Variants in ITPR3 observed in about 807,000 individuals in gnomAD.
The protein encoded by ITPR3 is inositol 1,4,5-trisphosphate receptor type 3.
A neutral mutation model predicts 293.2 loss-of-function variants in ITPR3; 173 were observed. The ratio of observed to expected loss-of-function variants is 0.59; its 90% CI spans 0.52 to 0.67. ITPR3 has a LOEUF of 0.67. Ranked by LOEUF, ITPR3 falls within the 30% of genes least tolerant of loss-of-function variation. The pLI is 0.00. For synonymous variants in ITPR3, 1,295 were observed against 1,444.4 expected (o/e 0.90, Z 2.35); for missense variants, 2,796 against 3,592.1 (o/e 0.78, Z 5.66).
chr6:33,664,228 G>A lies in ITPR3; in HGVS notation c.1148+348G>A, dbSNP rs561574153. Among the ~76,000 whole-genome samples, 51 of 152,250 alleles carry A rather than the reference G, an allele frequency of 3.3e-4. No individual in the cohort carries two copies. The highest frequency in any genetic ancestry group is 8.5e-4 in the Admixed American group (13 of 15,290). On this transcript the variant is annotated intron_variant, in intron 11 of 57. Coordinates refer to ENST00000605930, the MANE Select transcript of ITPR3 (RefSeq NM_002224.4). The surrounding 1 kb of genome is among the most constrained non-coding windows in gnomAD (Gnocchi z 4.4). ...CCCGCCAACCCCGAGATTCTAGGAC[G>A]GAACATCAAGAAACTTCTCAAGTGT...
chr6:33,645,171 T>A (rs1764036676), intron 2 of ITPR3, among the ~76,000 whole-genome samples: 1 of 151,632 alleles, frequency 6.6e-6, no homozygotes, highest in African/African-American at 2.4e-5. Context: ...CCGTCTCTAC[T>A]AAAAATACAA....
intron 33 of ITPR3, 136 bp downstream of exon 33, chr6:33,680,816 T>TTA: frequency 2.8e-5 from 30 of 1,052,986 alleles, no homozygotes; most frequent in African/African-American, 3.4e-5. Flanking sequence ...AGTGTATTGG[T>TTA]TATCTTTTTT....
At chr6:33,659,225 C>A in intron 6 of ITPR3, 106 bp downstream of exon 6, 1 of 1,113,552 alleles carries the variant, frequency 9.0e-7, no homozygotes, top group Non-Finnish European at 1.3e-6. Context: ...CCCCATCTGA[C>A]CTGCCGGACA....
rs1245219591 is a variant in ITPR3, at chr6:33,632,967, G to C, written c.90-7517G>C. Among the ~76,000 whole-genome samples the C allele has an allele frequency of 6.6e-6, 1 of 152,240 alleles. No individual in the cohort carries two copies. Among genetic ancestry groups the C allele is most frequent in the Non-Finnish European group, 1.5e-5 (1 of 68,046 alleles). On this transcript the variant is annotated intron_variant, in intron 1 of 57. Transcript: ENST00000605930. This position sits in a 1 kb window ranked among gnomAD's most constrained non-coding sequence, Gnocchi z 4.1. ...TTGTGTCTGTGCCATTCTCTGACCA[G>C]CTGTGTGGCTCAGGGGTTCCATCCA...
At chr6:33,625,686 G>A (rs1763535118) in intron 1 of ITPR3, among the ~76,000 whole-genome samples, 1 of 152,042 alleles carries the variant, frequency 6.6e-6, no homozygotes, top group Admixed American at 6.5e-5. Flanking sequence ...GGAGCTCTCA[G>A]GGCCTCTGGA....
intron 1 of ITPR3, among the ~76,000 whole-genome samples, chr6:33,640,271 G>A (rs575896342): frequency 6.6e-6 from 1 of 152,238 alleles, no homozygotes; most frequent in South Asian, 2.1e-4. Context: ...GTGTGCTTCT[G>A]TGTTCTTCCT....
intron 51 of ITPR3, among the ~76,000 whole-genome samples, chr6:33,690,661 T>C (rs569873509): frequency 1.3e-5 from 2 of 152,304 alleles, no homozygotes; most frequent in East Asian, 3.9e-4. Context: ...AGTTGGCTGG[T>C]ATTCAGCCAC....
intron 7 of ITPR3, 37 bp from the exon 8 acceptor site, chr6:33,662,491 G>T: frequency 6.5e-7 from 1 of 1,544,486 alleles, no homozygotes; most frequent in Non-Finnish European, 8.7e-7. Context: ...GCCTGGAGGG[G>T]CCGCAGCCAT....
Position 33,682,983 on chromosome 6 carries a change from G to C in ITPR3, c.4598-224G>C, listed in dbSNP as rs1180643748. The stretch of plus-strand genomic sequence containing the variant: ...GGTGAGAGAGAGGAAGGGGAAGTCA[G>C]GGTAGAGCCGGGGGGAATCAAAGAG... On this transcript the variant is annotated intron_variant, in intron 34 of 57. Coordinates refer to ENST00000605930, the MANE Select transcript of ITPR3 (RefSeq NM_002224.4). This position sits in a 1 kb window ranked among gnomAD's most constrained non-coding sequence, Gnocchi z 5.4. Among the ~76,000 whole-genome samples, 2 of 151,204 alleles carry C rather than the reference G, an allele frequency of 1.3e-5. No individual in the cohort carries two copies. The highest frequency in any genetic ancestry group is 4.9e-5 in the African/African-American group (2 of 40,626).
Position 33,671,326 on chromosome 6 carries a change from C to T in ITPR3, c.2728+20C>T. ...CCGGTGGTGAGGCCTTTGCCCGGCT[C>T]GGGCCACCCTGGTGGTCCTCAGCCT... On this transcript the variant is annotated intron_variant, in intron 21 of 57. Transcript: ENST00000605930. 2 of 1,589,892 alleles carry T rather than the reference C, an allele frequency of 1.3e-6. No homozygotes were observed. The highest frequency in any genetic ancestry group is 1.1e-5 in the South Asian group (1 of 89,854).
At chr6:33,671,893 C>T in intron 21 of ITPR3, 136 bp from the exon 22 acceptor site, 1 of 854,456 alleles carries the variant, frequency 1.2e-6, no homozygotes, top group Non-Finnish European at 1.8e-6. Context: ...TTAGCCCTGT[C>T]CCTTCCTTAG....
chr6:33,675,540 G>T lies in ITPR3; in HGVS notation c.3117-151G>T. ...AGGGGAGTGGCTGTTAAACTGCTGA[G>T]AAAGTGTCAATATTTTAAACACATT... On this transcript the variant is annotated intron_variant, in intron 24 of 57. Coordinates refer to ENST00000605930, the MANE Select transcript of ITPR3 (RefSeq NM_002224.4). The surrounding 1 kb of genome is among the most constrained non-coding windows in gnomAD (Gnocchi z 5.0). The T allele has an allele frequency of 1.3e-6, 1 of 774,618 alleles. No homozygotes were observed. The highest frequency in any genetic ancestry group is 2.4e-5 in the South Asian group (1 of 41,168). The allele number at this position is 774,618 out of a possible 1,614,324, so 48.0% of individuals were successfully genotyped here.
At position 33,683,150 on chromosome 6, in the gene ITPR3, T is replaced by C. The variant is rs1765123908; in HGVS notation, c.4598-57T>C. Reference sequence around the variant, plus strand: ...GTGTGGCAGCCCTGAGCCTGGCCTCTGGCTGGCTGAACTGCCCCCGCACCA... The same window carrying C: ...GTGTGGCAGCCCTGAGCCTGGCCTCCGGCTGGCTGAACTGCCCCCGCACCA... On this transcript the variant is annotated intron_variant, in intron 34 of 57. Transcript: ENST00000605930. The surrounding 1 kb of genome is among the most constrained non-coding windows in gnomAD (Gnocchi z 4.5). 2 of 1,343,250 alleles carry C rather than the reference T, an allele frequency of 1.5e-6. No homozygotes were observed. The highest frequency in any genetic ancestry group is 2.0e-6 in the Non-Finnish European group (2 of 1,003,222). 83.2% of individuals were successfully genotyped at this position (1,343,250 alleles called of 1,614,324 possible). A position where few individuals can be genotyped will look rare whatever the true frequency, so the allele number is the denominator to read the frequency against.
At chr6:33,663,038 C>T (rs957444534) in intron 9 of ITPR3, 32 bp downstream of exon 9, 3 of 1,557,762 alleles carry the variant, frequency 1.9e-6, no homozygotes, top group South Asian at 2.3e-5. Flanking sequence ...TGCTGGGGCT[C>T]GTGTGTGCAT....
rs566818709 is a variant in ITPR3, at chr6:33,693,646, C to T, written c.7726C>T (p.Arg2576Cys). Residue 2576 changes from arginine to cysteine, a missense_variant, in exon 56 of 58, where the codon CGC (arginine) becomes TGC (cysteine). Physicochemically the swap from Arg to Cys is radical, Grantham distance 180. Around this residue, in one of 8 missense-constraint regions of ITPR3, gnomAD observed 568 missense variants for 796.1 expected, o/e 0.71. Coordinates refer to ENST00000605930, the MANE Select transcript of ITPR3 (RefSeq NM_002224.4). ...CTACTTGTACTTCATTGTGCTGGTC[C>T]GCGTGAAGAACAAGACCGACTACAC... is the stretch of plus-strand genomic sequence containing the variant. ...WNYLYFIVLVRVKNKTDYTGP... is the reference protein window; with the variant it reads ...WNYLYFIVLVCVKNKTDYTGP... 44 of 1,614,198 alleles carry T rather than the reference C, an allele frequency of 2.7e-5. No homozygotes were observed. Among genetic ancestry groups the T allele is most frequent in the African/African-American group, 2.7e-4 (20 of 75,052 alleles).
intron 1 of ITPR3, 135 bp from the exon 2 acceptor site, chr6:33,640,349 G>C (rs1252187499): frequency 2.6e-6 from 2 of 762,070 alleles, no homozygotes; most frequent in Non-Finnish European, 4.1e-6. Context: ...ATGACTTGAT[G>C]GTGGGGAGCT....
At position 33,691,264 on chromosome 6, in the gene ITPR3, GC is replaced by G. The variant is rs1226259100; in HGVS notation, c.7225+157del. ...GGGGACGTCTAGCTAACACCAGTCT[GC>G]CTCGCTCTTTTCTGGAACACACTGA... On this transcript the variant is annotated intron_variant, in intron 52 of 57. Transcript: ENST00000605930. The surrounding 1 kb of genome is among the most constrained non-coding windows in gnomAD (Gnocchi z 4.9). Among the ~76,000 whole-genome samples the G allele has an allele frequency of 2.1e-4, 32 of 152,316 alleles. 1 individual carries two copies. Among genetic ancestry groups the G allele is most frequent in the African/African-American group, 7.5e-4 (31 of 41,582 alleles).
At chr6:33,671,603 G>A (rs1764767520) in intron 21 of ITPR3, among the ~76,000 whole-genome samples, 1 of 152,194 alleles carries the variant, frequency 6.6e-6, no homozygotes, top group East Asian at 1.9e-4. Flanking sequence ...GTGAGGAGGA[G>A]GGAGGCACAG....
intron 2 of ITPR3, among the ~76,000 whole-genome samples, chr6:33,645,224 C>A (rs922013853): frequency 2.6e-5 from 4 of 152,010 alleles, no homozygotes; most frequent in African/African-American, 9.7e-5. Flanking sequence ...CTCCCAGCTA[C>A]TCAGGAGGCT....
Sources: gnomAD v4.1 joint callset for allele counts (sites outside exome capture counted in the v4.1 genomes callset) on GRCh38, gnomAD v4.1.1 for gene constraint, gnomAD v4.1.1 regional missense constraint, Gnocchi (gnomAD v3.1) non-coding constraint, MANE v1.5 for transcripts, NCBI Gene and HGNC (gene_info 2026-07-23, HGNC 2026-07-21) for gene names.